ATP2B1: variants seen among roughly 807,000 people sequenced by gnomAD.
ATP2B1 encodes ATPase plasma membrane Ca2+ transporting 1.
Under a neutral mutation model 124.2 loss-of-function variants are expected in ATP2B1, and 14 were observed. The ratio of observed to expected loss-of-function variants is 0.11; its 90% CI spans 0.07 to 0.18. ATP2B1 has a LOEUF of 0.18. Among genes scored for constraint, ATP2B1 ranks in the 10% least tolerant of loss-of-function variants. The pLI, the probability that ATP2B1 is intolerant of heterozygous loss-of-function variation, is 1.00. For missense variants in ATP2B1, 763 were observed against 1,466.1 expected, an observed-to-expected ratio of 0.52 and a Z score of 7.83; for synonymous variants, 449 against 492.4, an observed-to-expected ratio of 0.91 and a Z score of 1.17.
intron 1 of ATP2B1, among the ~76,000 whole-genome samples, chr12:89,671,547 C>A (rs779324216): frequency 1.3e-5 from 2 of 152,128 alleles, no homozygotes; most frequent in Non-Finnish European, 2.9e-5. Context: ...ATGCCCTATG[C>A]AATGTAGTAT....
At chr12:89,703,642 G>C (rs1043229450) in intron 1 of ATP2B1, among the ~76,000 whole-genome samples, 29 of 152,146 alleles carry the variant, frequency 1.9e-4, no homozygotes, top group African/African-American at 7.0e-4. Context: ...ATTAAGACAT[G>C]AAAATAAAAG....
chr12:89,687,702 A>G (rs1160413275), intron 1 of ATP2B1, among the ~76,000 whole-genome samples: 7 of 152,148 alleles, frequency 4.6e-5, no homozygotes, highest in Non-Finnish European at 8.8e-5. Context: ...AAAGATACTA[A>G]TATTTTGGGA....
upstream of ATP2B1, chr12:89,708,843 A>AGGCGGC: frequency 6.6e-6 from 1 of 151,962 alleles, no homozygotes; most frequent in East Asian, 2.0e-4. Flanking sequence ...CACTGCGAGG[A>AGGCGGC]GGCGGCGGCG....
chr12:89,668,541 A>G (rs1350709499), intron 1 of ATP2B1, among the ~76,000 whole-genome samples: 1 of 152,204 alleles, frequency 6.6e-6, no homozygotes, highest in Non-Finnish European at 1.5e-5. Flanking sequence ...TTATAAGCCT[A>G]AAGAGAGATT....
chr12:89,608,035 A>T (rs1012819044), intron 15 of ATP2B1, among the ~76,000 whole-genome samples: 24 of 152,194 alleles, frequency 1.6e-4, no homozygotes, highest in African/African-American at 5.5e-4. Flanking sequence ...GTAACTAAAA[A>T]AAAAACTCTA....
intron 12 of ATP2B1, among the ~76,000 whole-genome samples, chr12:89,614,582 T>C (rs191517540): frequency 5.9e-5 from 9 of 152,254 alleles, no homozygotes; most frequent in Non-Finnish European, 1.3e-4. Context: ...TTAGCGACCA[T>C]CTCCTTTATA....
intron 1 of ATP2B1, among the ~76,000 whole-genome samples, chr12:89,702,812 T>C (rs1018039819): frequency 6.6e-6 from 1 of 152,166 alleles, no homozygotes; most frequent in African/African-American, 2.4e-5. Flanking sequence ...AACCATATTG[T>C]TGGAAGTCAC....
chr12:89,613,496 T>G (rs1878408426), intron 12 of ATP2B1, among the ~76,000 whole-genome samples: 1 of 152,034 alleles, frequency 6.6e-6, no homozygotes, highest in Non-Finnish European at 1.5e-5. Flanking sequence ...AGTGCCAGAG[T>G]GATGAGCAAA....
rs888805470 is a variant in ATP2B1, at chr12:89,668,156, C to T, written c.-221-12049G>A. 3.9e-5 allele frequency among the ~76,000 whole-genome samples: 6 copies of T among 152,074 alleles called. No individual in the cohort carries two copies. The East Asian group carries it at 1.2e-3, about 29-fold the overall frequency. ...AGGCAACACAGAAAAAAGCTGCTAC[C>T]GTGATAAAAACACATTACCTATTTG... On this transcript the variant is annotated intron_variant, in intron 1 of 20. Coordinates refer to ENST00000428670, the MANE Select transcript of ATP2B1 (RefSeq NM_001366521.1).
intron 1 of ATP2B1, among the ~76,000 whole-genome samples, chr12:89,687,612 A>G (rs1184300001): frequency 6.6e-6 from 1 of 152,082 alleles, no homozygotes; most frequent in Non-Finnish European, 1.5e-5. Context: ...TAAGGCCAAG[A>G]AAGTGGTCAA....
rs1251330193 is a variant in ATP2B1 at position 89,630,494 on chromosome 12, GTTA to G, written c.928+8_928+10del. On this transcript the variant is annotated splice_region_variant and intron_variant, in intron 6 of 20. Coordinates refer to ENST00000428670, the MANE Select transcript of ATP2B1 (RefSeq NM_001366521.1). ...TTCCAAATACCAATTATAGAAAATT[GTTA>G]TTCTTACTTTTCTTTTCCTTTTTCT... is the stretch of plus-strand genomic sequence containing the variant. 1 of 1,534,494 alleles carries G rather than the reference GTTA, an allele frequency of 6.5e-7. No homozygotes were observed. Among genetic ancestry groups the G allele is most frequent in the South Asian group, 1.3e-5 (1 of 78,794 alleles).
rs1309509283 is a variant in ATP2B1, at chr12:89,588,300, T to G, written c.*2684A>C. On this transcript the variant is annotated 3_prime_UTR_variant, in exon 21 of 21. Transcript: ENST00000428670. ...CTTGGTTCAAAACTGACATCTGTTATGAAAATTACCATATCACATATTTGT... is the reference window on the plus strand; with the variant it reads ...CTTGGTTCAAAACTGACATCTGTTAGGAAAATTACCATATCACATATTTGT... 1 of 152,596 alleles carries G rather than the reference T, an allele frequency of 6.6e-6. No individual in the cohort carries two copies. The highest frequency in any genetic ancestry group is 2.4e-5 in the African/African-American group (1 of 41,454). The allele number at this position is 152,596 out of a possible 1,614,324, so 9.5% of individuals were successfully genotyped here. A position where few individuals can be genotyped will look rare whatever the true frequency, so the allele number is the denominator to read the frequency against.
At chr12:89,660,240 A>C (rs1886540966) in intron 1 of ATP2B1, among the ~76,000 whole-genome samples, 1 of 152,324 alleles carries the variant, frequency 6.6e-6, no homozygotes, top group South Asian at 2.1e-4. Context: ...AAGACCTAGA[A>C]GTTGTATTTA....
intron 1 of ATP2B1, among the ~76,000 whole-genome samples, chr12:89,677,736 G>T (rs1888783607): frequency 6.6e-6 from 1 of 151,238 alleles, no homozygotes; most frequent in Admixed American, 6.6e-5. Context: ...CATAAAATCG[G>T]GTGTGACTAT....
intron 3 of ATP2B1, among the ~76,000 whole-genome samples, chr12:89,641,275 T>C (rs1227079701): frequency 1.3e-5 from 2 of 152,176 alleles, no homozygotes; most frequent in Non-Finnish European, 2.9e-5. Flanking sequence ...AAAACATTTG[T>C]AGCCACAAGT....
intron 2 of ATP2B1, among the ~76,000 whole-genome samples, chr12:89,645,277 C>A (rs935288282): frequency 6.6e-6 from 1 of 152,142 alleles, no homozygotes; most frequent in Non-Finnish European, 1.5e-5. Flanking sequence ...ATTTTGGGGA[C>A]AATTAATTTC....
chr12:89,656,886 T>A (rs190747334), intron 1 of ATP2B1, among the ~76,000 whole-genome samples: 7 of 152,332 alleles, frequency 4.6e-5, no homozygotes, highest in Admixed American at 3.3e-4. Flanking sequence ...CAGTATTAGT[T>A]CTGAGGGCAG....
intron 18 of ATP2B1, among the ~76,000 whole-genome samples, chr12:89,602,695 T>C (rs1471526350): frequency 2.0e-5 from 3 of 152,206 alleles, no homozygotes; most frequent in African/African-American, 7.2e-5. Flanking sequence ...TTTTTAAAAT[T>C]TAAACCTGAT....
At chr12:89,650,513 G>T (rs1050969731) in intron 2 of ATP2B1, among the ~76,000 whole-genome samples, 77 of 152,278 alleles carry the variant, frequency 5.1e-4, no homozygotes, top group African/African-American at 1.8e-3. Flanking sequence ...TGTGGGTTTT[G>T]TGTGTTTTGG....
Sources: allele counts gnomAD v4.1 joint callset (sites outside exome capture counted in the v4.1 genomes callset), GRCh38; gene constraint gnomAD v4.1.1; transcripts MANE v1.5; gene names NCBI Gene and HGNC (gene_info 2026-07-23, HGNC 2026-07-21).